Variants in DZIP3 observed in about 807,000 individuals in gnomAD.
The protein encoded by DZIP3 is DAZ interacting zinc finger protein 3, also known as E3 ubiquitin-protein ligase DZIP3.
A neutral mutation model predicts 162.0 loss-of-function variants in DZIP3; 118 were observed. That is an observed-to-expected ratio of 0.73 (90% CI 0.63 to 0.85). The LOEUF (loss-of-function observed/expected upper bound fraction) is 0.85, where lower values mean the gene tolerates loss of function less well. DZIP3 is among the 40% of genes least tolerant of loss of function. The pLI, the probability that DZIP3 is intolerant of heterozygous loss-of-function variation, is 0.00. For missense variants in DZIP3, 1,331 were observed against 1,407.0 expected (o/e 0.95, Z 0.86); for synonymous variants, 438 against 458.6 (o/e 0.96, Z 0.57).
intron 4 of DZIP3, 120 bp downstream of exon 4, chr3:108,611,449 C>T (rs1159864860): frequency 1.2e-5 from 15 of 1,247,968 alleles, no homozygotes; most frequent in Non-Finnish European, 1.4e-5. Context: ...CTCCATCTTA[C>T]TTCTTGTAAA....
At chr3:108,658,151 C>A (rs1943233136) in intron 19 of DZIP3, among the ~76,000 whole-genome samples, 2 of 152,168 alleles carry the variant, frequency 1.3e-5, no homozygotes, top group Admixed American at 6.5e-5. Flanking sequence ...TAATAGACAT[C>A]TACAGAACTC....
intron 4 of DZIP3, among the ~76,000 whole-genome samples, chr3:108,612,506 A>T (rs1185847398): frequency 6.6e-6 from 1 of 152,162 alleles, no homozygotes; most frequent in Non-Finnish European, 1.5e-5. Context: ...AATAGCAACT[A>T]GAAGGTAAAA....
chr3:108,640,534 CT>C (rs1942355998), intron 12 of DZIP3, among the ~76,000 whole-genome samples: 1 of 151,682 alleles, frequency 6.6e-6, no homozygotes, highest in Non-Finnish European at 1.5e-5. Context: ...CAATCTCCAC[CT>C]CCCAGGTTCA....
chr3:108,613,178 C>T (rs919824287), intron 4 of DZIP3, among the ~76,000 whole-genome samples: 4 of 152,020 alleles, frequency 2.6e-5, no homozygotes, highest in East Asian at 1.9e-4. Flanking sequence ...TGTAGGAAGA[C>T]GCAGTATGTT....
At chr3:108,681,318 CAT>C (rs530189793) in intron 26 of DZIP3, among the ~76,000 whole-genome samples, 76 of 152,128 alleles carry the variant, frequency 5.0e-4, no homozygotes, top group African/African-American at 1.8e-3. Context: ...GGCCAACAAA[CAT>C]ATGAAAAAAA....
intron 21 of DZIP3, among the ~76,000 whole-genome samples, chr3:108,668,277 G>A: frequency 6.6e-6 from 1 of 152,086 alleles, no homozygotes; most frequent in East Asian, 1.9e-4. Context: ...AAACTTGATA[G>A]TCAGCTAGAG....
intron 23 of DZIP3, 24 bp downstream of exon 23, chr3:108,672,680 G>A: frequency 6.3e-7 from 1 of 1,578,534 alleles, no homozygotes; most frequent in Non-Finnish European, 8.7e-7. Context: ...GGGGACAGGG[G>A]TATGGGGTGA....
intron 11 of DZIP3, among the ~76,000 whole-genome samples, chr3:108,637,119 T>C (rs1017207463): frequency 6.6e-6 from 1 of 152,036 alleles, no homozygotes; most frequent in African/African-American, 2.4e-5. Context: ...TTACATAAAA[T>C]GCACTCAGAT....
At chr3:108,681,313 A>G (rs1297832935) in intron 26 of DZIP3, among the ~76,000 whole-genome samples, 2 of 152,224 alleles carry the variant, frequency 1.3e-5, no homozygotes, top group Admixed American at 1.3e-4. Flanking sequence ...TATGTGGCCA[A>G]CAAACATATG....
chr3:108,680,327 T>A (rs1337703660), intron 26 of DZIP3, among the ~76,000 whole-genome samples: 1 of 151,966 alleles, frequency 6.6e-6, no homozygotes, highest in Admixed American at 6.6e-5. Context: ...ATAAAAGACA[T>A]CCAAATTGGA....
At chr3:108,684,406 ATGAG>A (rs1944428319) in intron 27 of DZIP3, 65 bp downstream of exon 27, 3 of 1,544,202 alleles carry the variant, frequency 1.9e-6, no homozygotes, top group Admixed American at 2.0e-5. Context: ...GGCTTCCTGA[ATGAG>A]TATCTTCATT....
chr3:108,590,839 T>C (rs1179926716), intron 1 of DZIP3, among the ~76,000 whole-genome samples: 1 of 152,174 alleles, frequency 6.6e-6, no homozygotes, highest in East Asian at 1.9e-4. Context: ...ACCTGGTTCA[T>C]AGGACTGTTC....
At chr3:108,641,423 C>G (rs1942394438) in intron 12 of DZIP3, among the ~76,000 whole-genome samples, 1 of 151,788 alleles carries the variant, frequency 6.6e-6, no homozygotes, top group Non-Finnish European at 1.5e-5. Context: ...TATATTATTG[C>G]TTCACTAATT....
At chr3:108,672,717 C>A in intron 23 of DZIP3, 61 bp downstream of exon 23, 1 of 1,232,346 alleles carries the variant, frequency 8.1e-7, no homozygotes, top group Non-Finnish European at 1.2e-6. Flanking sequence ...TGTATACCAT[C>A]ATACTAAAGA....
chr3:108,599,318 A>G (rs1374514218), intron 1 of DZIP3, among the ~76,000 whole-genome samples: 1 of 152,182 alleles, frequency 6.6e-6, no homozygotes, highest in Non-Finnish European at 1.5e-5. Context: ...AGCAAACTGT[A>G]TGTTCTTTGG....
chr3:108,620,080 AGACACAGGTGAAGTCT>A (rs1040213113), intron 5 of DZIP3, among the ~76,000 whole-genome samples: 7 of 152,164 alleles, frequency 4.6e-5, no homozygotes, highest in Non-Finnish European at 1.0e-4. Context: ...TATGGGGAAA[AGACACAGGTGAAGTCT>A]GACGAAAGCC....
intron 8 of DZIP3, among the ~76,000 whole-genome samples, chr3:108,629,552 GA>G (rs1320299086): frequency 1.3e-5 from 2 of 151,858 alleles, no homozygotes; most frequent in African/African-American, 4.8e-5. Flanking sequence ...AGATAAAGAT[GA>G]AATTCATCTA....
At position 108,624,426 on chromosome 3, in the gene DZIP3, A is replaced by C. The variant is rs577251490; in HGVS notation, c.376-18A>C. The C allele has an allele frequency of 7.0e-7, 1 of 1,432,616 alleles. No individual in the cohort carries two copies. The highest frequency in any genetic ancestry group is 1.7e-5 in the Admixed American group (1 of 58,126). The allele number at this position is 1,432,616 out of a possible 1,614,324, so 88.7% of individuals were successfully genotyped here. A position where few individuals can be genotyped will look rare whatever the true frequency, so the allele number is the denominator to read the frequency against. On this transcript the variant is annotated intron_variant, in intron 5 of 32. Coordinates refer to ENST00000361582, the MANE Select transcript of DZIP3 (RefSeq NM_014648.4). The stretch of plus-strand genomic sequence containing the variant: ...AGCTTAGTCTAAATAACCAATTAAC[A>C]TATTTTTTTCTTTGTAGGCACACCA...
chr3:108,591,592 T>A (rs1939423555), intron 1 of DZIP3, among the ~76,000 whole-genome samples: 2 of 152,358 alleles, frequency 1.3e-5, no homozygotes. Flanking sequence ...GTAAGTTTAG[T>A]AAGAGGGATC....
Sources: gnomAD v4.1 joint callset for allele counts (sites outside exome capture counted in the v4.1 genomes callset) on GRCh38, gnomAD v4.1.1 for gene constraint, MANE v1.5 for transcripts, NCBI Gene and HGNC (gene_info 2026-07-23, HGNC 2026-07-21) for gene names.